Variants in RAD23B observed in about 807,000 individuals in gnomAD.
The protein encoded by RAD23B is RAD23 nucleotide excision repair protein B, also known as lysine-specific demethylase RAD23B.
Under a neutral mutation model 49.1 loss-of-function variants are expected in RAD23B, and 5 were observed. That is an observed-to-expected ratio of 0.10 (90% CI 0.05 to 0.21). RAD23B has a LOEUF of 0.21. Among genes scored for constraint, RAD23B ranks in the 10% least tolerant of loss-of-function variants. The pLI is 1.00. For synonymous variants in RAD23B, 184 were observed against 165.4 expected (o/e 1.11, Z -0.86); for missense variants, 356 against 486.7 (o/e 0.73, Z 2.53).
rs775272395 is a variant in RAD23B, at chr9:107,300,161, G to A, written c.87G>A (p.Lys29=). 7 of 1,609,268 alleles carry A rather than the reference G, an allele frequency of 4.3e-6. No individual in the cohort carries two copies. Among genetic ancestry groups the A allele is most frequent in the Non-Finnish European group, 5.1e-6 (6 of 1,177,870 alleles). ...PEETVKALKE[K]IESEKGKDAF... ...TATAGGTGAAAGCACTGAAAGAGAA[G>A]ATTGAATCTGAAAAGGGGAAAGATG... Residue 29 remains lysine (K), a synonymous_variant, in exon 2 of 10, where the codon AAG becomes AAA. Transcript: ENST00000358015.
At chr9:107,293,086 C>A (rs1382812131) in intron 1 of RAD23B, among the ~76,000 whole-genome samples, 1 of 150,560 alleles carries the variant, frequency 6.6e-6, no homozygotes, top group East Asian at 1.9e-4. Context: ...AAAGTGACTT[C>A]CTCACATGGC....
At position 107,331,225 on chromosome 9, in the gene RAD23B, G is replaced by T. The variant is rs1300403215; in HGVS notation, c.*1569G>T. 1 of 155,974 alleles carries T rather than the reference G, an allele frequency of 6.4e-6. No individual in the cohort carries two copies. The allele number at this position is 155,974 out of a possible 1,614,324, so 9.7% of individuals were successfully genotyped here. On this transcript the variant is annotated 3_prime_UTR_variant, in exon 10 of 10. Transcript: ENST00000358015. Reference sequence around the variant, plus strand: ...ATTATGAAAATAAATGAAACTGGCTGGGTATGGTGGCTCATGCCTATAATC... The same window carrying T: ...ATTATGAAAATAAATGAAACTGGCTTGGTATGGTGGCTCATGCCTATAATC...
At chr9:107,312,532 G>A (rs188711670) in intron 5 of RAD23B, among the ~76,000 whole-genome samples, 4 of 152,258 alleles carry the variant, frequency 2.6e-5, no homozygotes, top group Admixed American at 1.3e-4. Flanking sequence ...TGCCCTTGTT[G>A]CTGTGGAAAA....
intron 5 of RAD23B, among the ~76,000 whole-genome samples, chr9:107,316,285 C>T (rs947762156): frequency 3.9e-5 from 6 of 152,170 alleles, no homozygotes; most frequent in Non-Finnish European, 4.4e-5. Flanking sequence ...GCTGGGATTA[C>T]AGGCGTGAGC....
intron 1 of RAD23B, chr9:107,284,963 G>A (rs1833246284): frequency 1.7e-5 from 22 of 1,300,590 alleles, no homozygotes; most frequent in Non-Finnish European, 2.2e-5. Context: ...TTTAAACAAT[G>A]GATTCCTTTG....
intron 1 of RAD23B, among the ~76,000 whole-genome samples, chr9:107,284,468 A>G (rs191367661): frequency 7.9e-5 from 10 of 126,318 alleles, no homozygotes; most frequent in Admixed American, 5.5e-4. Flanking sequence ...CCCAAACAGT[A>G]GCAGTTCAAG....
At chr9:107,329,449 C>G (rs993731844) in intron 9 of RAD23B, 94 bp from the exon 10 acceptor site, 7 of 762,114 alleles carry the variant, frequency 9.2e-6, no homozygotes, top group Non-Finnish European at 1.4e-5. Context: ...AATGATTTAT[C>G]TTTAGTGCTA....
chr9:107,326,538 C>T (rs536549448), intron 9 of RAD23B, among the ~76,000 whole-genome samples: 1 of 150,064 alleles, frequency 6.7e-6, no homozygotes, highest in African/African-American at 2.4e-5. Flanking sequence ...TAGAATTCAC[C>T]AGTAGTCTGG....
At chr9:107,285,071 A>C (rs993694372) in intron 1 of RAD23B, among the ~76,000 whole-genome samples, 7 of 152,328 alleles carry the variant, frequency 4.6e-5, no homozygotes, top group African/African-American at 1.7e-4. Context: ...ATTTTGGTAC[A>C]AAATTATTTG....
chr9:107,318,961 C>T lies in RAD23B; in HGVS notation c.681+82C>T. 7.2e-7 allele frequency: 1 copy of T among 1,383,132 alleles called. No homozygotes were observed. The highest frequency in any genetic ancestry group is 9.9e-7 in the Non-Finnish European group (1 of 1,007,012). The allele number at this position is 1,383,132 out of a possible 1,614,324, so 85.7% of individuals were successfully genotyped here. Reference sequence around the variant, plus strand: ...AAACAGATTTTAAAGGACCAGTTCACTTGTCACTGATATATGCTAGATGAT... The same window carrying T: ...AAACAGATTTTAAAGGACCAGTTCATTTGTCACTGATATATGCTAGATGAT... On this transcript the variant is annotated intron_variant, in intron 6 of 9. Coordinates refer to ENST00000358015, the MANE Select transcript of RAD23B (RefSeq NM_002874.5). The surrounding 1 kb of genome is among the most constrained non-coding windows in gnomAD (Gnocchi z 4.3).
In RAD23B at chr9:107,332,108, T is replaced by TA. The variant is rs1827320695; in HGVS notation, c.*2453dup. On this transcript the variant is annotated 3_prime_UTR_variant, in exon 10 of 10. Transcript: ENST00000358015. ...CAAATTTTTTTTCATTGTTTAAAAA[T>TA]ACGGAAGTGTTCCAATATAATTTTT... 1 of 216,860 alleles carries TA rather than the reference T, an allele frequency of 4.6e-6. No homozygotes were observed. Among genetic ancestry groups the TA allele is most frequent in the African/African-American group, 2.3e-5 (1 of 44,048 alleles). 13.4% of individuals were successfully genotyped at this position (216,860 alleles called of 1,614,324 possible). A position where few individuals can be genotyped will look rare whatever the true frequency, so the allele number is the denominator to read the frequency against.
intron 9 of RAD23B, among the ~76,000 whole-genome samples, chr9:107,326,796 G>T (rs1264970215): frequency 6.6e-6 from 1 of 151,466 alleles, no homozygotes; most frequent in Non-Finnish European, 1.5e-5. Context: ...ACCATGCCCG[G>T]CTAATTTTGT....
chr9:107,322,183 C>T, intron 7 of RAD23B, 65 bp downstream of exon 7: 1 of 1,470,394 alleles, frequency 6.8e-7, no homozygotes, highest in Non-Finnish European at 9.1e-7. Context: ...ATAATTTAAC[C>T]TGAAATACTT....
intron 1 of RAD23B, among the ~76,000 whole-genome samples, chr9:107,287,354 A>G (rs1391760045): frequency 6.6e-6 from 1 of 152,218 alleles, no homozygotes; most frequent in Non-Finnish European, 1.5e-5. Context: ...AACAACTAAA[A>G]ACAAAACTCA....
intron 1 of RAD23B, among the ~76,000 whole-genome samples, chr9:107,294,534 C>A (rs943167035): frequency 6.6e-6 from 1 of 152,182 alleles, no homozygotes; most frequent in Non-Finnish European, 1.5e-5. Flanking sequence ...CAAGAGAAAC[C>A]TTGTGCTGAG....
Position 107,284,982 on chromosome 9 carries a change from T to C in RAD23B, c.66+1287T>C, listed in dbSNP as rs373331215. On this transcript the variant is annotated intron_variant, in intron 1 of 9. Coordinates refer to ENST00000358015, the MANE Select transcript of RAD23B (RefSeq NM_002874.5). The stretch of plus-strand genomic sequence containing the variant: ...AACAATGGATTCCTTTGAGTGGAGA[T>C]ACAGTGTTACGTTTTACTTATCTCA... The C allele has an allele frequency of 1.3e-4, 174 of 1,294,914 alleles. 1 individual carries two copies. The Middle Eastern group carries it at 3.9e-3, about 29-fold the overall frequency. 80.2% of individuals were successfully genotyped at this position (1,294,914 alleles called of 1,614,324 possible).
chr9:107,284,057 G>C, intron 1 of RAD23B: 1 of 1,024,242 alleles, frequency 9.8e-7, no homozygotes, highest in Non-Finnish European at 1.2e-6. Flanking sequence ...TGCACAGGTG[G>C]GGGAGGGAGA....
intron 7 of RAD23B, 38 bp downstream of exon 7, chr9:107,322,156 T>A: frequency 6.5e-7 from 1 of 1,538,078 alleles, no homozygotes; most frequent in Non-Finnish European, 8.8e-7. Context: ...GGAATGGCCC[T>A]GAATTTTTAG....
chr9:107,325,214 T>A (rs1349986050), intron 9 of RAD23B: 3 of 354,476 alleles, frequency 8.5e-6, no homozygotes, highest in African/African-American at 6.7e-5. Context: ...CTTGGGAGGC[T>A]GAGGCAGGAG....
Sources: gnomAD v4.1 joint callset for allele counts (sites outside exome capture counted in the v4.1 genomes callset) on GRCh38, gnomAD v4.1.1 for gene constraint, Gnocchi (gnomAD v3.1) non-coding constraint, MANE v1.5 for transcripts, NCBI Gene and HGNC (gene_info 2026-07-23, HGNC 2026-07-21) for gene names.